The following BLMH variants were observed in gnomAD, a reference collection of about 807,000 sequenced individuals.
BLMH encodes the protein BLM hydrolase.
In BLMH, 32 loss-of-function variants were observed where a neutral mutation model predicts 61.6. That is an observed-to-expected ratio of 0.52 (90% CI 0.39 to 0.70). The LOEUF (loss-of-function observed/expected upper bound fraction) is 0.70, where lower values mean the gene tolerates loss of function less well. BLMH is among the 30% of genes least tolerant of loss of function. The pLI is 0.00. For synonymous variants in BLMH, 183 were observed against 193.8 expected (o/e 0.94, Z 0.46); for missense variants, 460 against 555.5 (o/e 0.83, Z 1.73).
chr17:30,282,486 G>C (rs924769000), intron 6 of BLMH, among the ~76,000 whole-genome samples: 20 of 152,100 alleles, frequency 1.3e-4, no homozygotes, highest in African/African-American at 4.8e-4. Flanking sequence ...CCAAAGTGCT[G>C]GGATTATAGG....
chr17:30,253,063 T>C (rs1907716600), intron 11 of BLMH, among the ~76,000 whole-genome samples: 1 of 152,208 alleles, frequency 6.6e-6, no homozygotes, highest in African/African-American at 2.4e-5. Context: ...GAGAGCAGAC[T>C]AGGGAACACC....
At position 30,252,941 on chromosome 17, in the gene BLMH, G is replaced by A. The variant is rs141413213; in HGVS notation, c.1217-3773C>T. Among the ~76,000 whole-genome samples, 15 of 152,236 alleles carry A rather than the reference G, an allele frequency of 9.9e-5. No individual in the cohort carries two copies. In the East Asian group the frequency reaches 1.9e-3, roughly 20 times the overall value. On this transcript the variant is annotated intron_variant, in intron 11 of 11. Transcript: ENST00000261714. ...GGTTCTAGCAACAAAAGTTCTGTCC[G>A]CTCAAAGGTCAACCAGTGCGTATTA...
chr17:30,276,543 A>G (rs921839436), intron 6 of BLMH, among the ~76,000 whole-genome samples: 1 of 152,242 alleles, frequency 6.6e-6, no homozygotes, highest in African/African-American at 2.4e-5. Context: ...GCGACATGAC[A>G]CAGATACACC....
intron 6 of BLMH, among the ~76,000 whole-genome samples, chr17:30,277,590 A>C (rs1338684225): frequency 6.6e-6 from 1 of 152,278 alleles, no homozygotes; most frequent in East Asian, 1.9e-4. Context: ...CAGCTCAGCC[A>C]GGCCCTGGCC....
In BLMH at chr17:30,284,629, TACC is replaced by T. The variant is rs1320262977; in HGVS notation, c.645+756_645+758del. The stretch of plus-strand genomic sequence containing the variant: ...TAACTGTCTTGATCATAAATAATAT[TACC>T]ACCTCATATTTTAGTGCTTTTTACA... On this transcript the variant is annotated intron_variant, in intron 6 of 11. Transcript: ENST00000261714. Among the ~76,000 whole-genome samples the T allele has an allele frequency of 3.3e-5, 5 of 152,236 alleles. No homozygotes were observed. The South Asian group carries it at 8.3e-4, about 25-fold the overall frequency.
At chr17:30,250,324 G>A (rs1368238801) in intron 11 of BLMH, 1 of 152,200 alleles carries the variant, frequency 6.6e-6, no homozygotes, top group Non-Finnish European at 1.5e-5. Context: ...CGCAAACTAT[G>A]ATTCCGACAA....
chr17:30,251,314 C>T (rs1322128088), intron 11 of BLMH, among the ~76,000 whole-genome samples: 1 of 152,158 alleles, frequency 6.6e-6, no homozygotes, highest in Non-Finnish European at 1.5e-5. Context: ...AAATGCTTTA[C>T]CCGAGCCATT....
intron 11 of BLMH, among the ~76,000 whole-genome samples, chr17:30,256,918 T>TA: frequency 6.6e-6 from 1 of 152,326 alleles, no homozygotes; most frequent in South Asian, 2.1e-4. Flanking sequence ...AAGCATGACC[T>TA]AATACCTCCT....
intron 11 of BLMH, among the ~76,000 whole-genome samples, chr17:30,260,698 G>A (rs1188054300): frequency 6.6e-6 from 1 of 152,006 alleles, no homozygotes; most frequent in African/African-American, 2.4e-5. Context: ...TGGCCAACAG[G>A]TGAAACACCG....
chr17:30,268,802 C>T (rs150431985), intron 10 of BLMH, among the ~76,000 whole-genome samples: 2 of 149,416 alleles, frequency 1.3e-5, no homozygotes, highest in African/African-American at 4.9e-5. Flanking sequence ...TTTGGGAGGC[C>T]GAAGCAGGTG....
intron 11 of BLMH, among the ~76,000 whole-genome samples, chr17:30,256,430 G>A (rs769692091): frequency 6.6e-6 from 1 of 152,176 alleles, no homozygotes; most frequent in Non-Finnish European, 1.5e-5. Context: ...CCGGGTTCAG[G>A]TGATTCTCTT....
intron 10 of BLMH, among the ~76,000 whole-genome samples, chr17:30,267,637 C>T (rs1213827353): frequency 6.6e-6 from 1 of 152,156 alleles, no homozygotes; most frequent in African/African-American, 2.4e-5. Context: ...TTAAAATAAG[C>T]TCAATTTTGG....
intron 1 of BLMH, 110 bp downstream of exon 1, chr17:30,291,697 C>T (rs1908896942): frequency 7.2e-7 from 1 of 1,397,238 alleles, no homozygotes. Context: ...CCGAAAGCTC[C>T]CTCCCCGCCA....
chr17:30,266,523 C>CAAAAAA (rs770078465), intron 11 of BLMH, among the ~76,000 whole-genome samples: 1 of 53,062 alleles, frequency 1.9e-5, no homozygotes, highest in Admixed American at 2.1e-4. Flanking sequence ...AGACTCTGTC[C>CAAAAAA]AAAAAAAAAA....
intron 1 of BLMH, 36 bp downstream of exon 1, chr17:30,291,771 T>G: frequency 7.1e-7 from 1 of 1,411,246 alleles, no homozygotes; most frequent in Non-Finnish European, 9.2e-7. Context: ...GCGGAGCTCC[T>G]CCAGAGGACC....
At position 30,291,470 on chromosome 17, in the gene BLMH, G is replaced by A; in HGVS notation, c.52C>T (p.Leu18=). 1 of 1,614,230 alleles carries A rather than the reference G, an allele frequency of 6.2e-7. No homozygotes were observed. The highest frequency in any genetic ancestry group is 1.1e-5 in the South Asian group (1 of 91,088). Reference sequence around the variant, plus strand: ...AGTACGAACTGGGGGTCGGAATTCAGTTTCTGTATCAGAGCAGCTACCTTC... The same window carrying A: ...AGTACGAACTGGGGGTCGGAATTCAATTTCTGTATCAGAGCAGCTACCTTC... ...SEKVAALIQK[L]NSDPQFVLAQ... Residue 18 remains leucine, a synonymous_variant, in exon 2 of 12, where the codon CTG becomes TTG. Transcript: ENST00000261714.
At chr17:30,252,622 A>G (rs958967767) in intron 11 of BLMH, among the ~76,000 whole-genome samples, 13 of 151,010 alleles carry the variant, frequency 8.6e-5, no homozygotes, top group African/African-American at 2.7e-4. Flanking sequence ...ACTGCACTCT[A>G]GCCTAAACAG....
chr17:30,250,379 G>GAAAC (rs201860361), intron 11 of BLMH: 5 of 151,858 alleles, frequency 3.3e-5, no homozygotes, highest in East Asian at 1.9e-4. Context: ...CAATCGGCAA[G>GAAAC]AAACAAACAA....
chr17:30,272,393 G>C, intron 9 of BLMH, 168 bp downstream of exon 9: 1 of 727,816 alleles, frequency 1.4e-6, no homozygotes, highest in Non-Finnish European at 2.4e-6. Context: ...TAAGTATGTG[G>C]AGTTTCTGCT....
Sources: gnomAD v4.1 joint callset for allele counts (sites outside exome capture counted in the v4.1 genomes callset) on GRCh38, gnomAD v4.1.1 for gene constraint, MANE v1.5 for transcripts, NCBI Gene and HGNC (gene_info 2026-07-23, HGNC 2026-07-21) for gene names.